SPOCK3: variants seen among roughly 807,000 people sequenced by gnomAD.
SPOCK3 encodes the protein testican-3.
SPOCK3 carries 30 observed loss-of-function variants against 56.6 expected under a neutral mutation model. The ratio of observed to expected loss-of-function variants is 0.53; its 90% CI spans 0.40 to 0.72. SPOCK3 has a LOEUF of 0.72. Among genes scored for constraint, SPOCK3 ranks in the 30% least tolerant of loss-of-function variants. SPOCK3 has a pLI of 0.00. For synonymous variants in SPOCK3, 196 were observed against 183.3 expected (o/e 1.07, Z -0.56); for missense variants, 527 against 530.0 (o/e 0.99, Z 0.06).
intron 5 of SPOCK3, among the ~76,000 whole-genome samples, chr4:166,895,637 C>T (rs1330504363): frequency 1.3e-5 from 2 of 152,222 alleles, no homozygotes; most frequent in East Asian, 3.9e-4. Flanking sequence ...ACATTAACTG[C>T]TTTAAAATAT....
chr4:166,892,063 G>T (rs1319820176), intron 5 of SPOCK3, among the ~76,000 whole-genome samples: 1 of 151,798 alleles, frequency 6.6e-6, no homozygotes, highest in East Asian at 1.9e-4. Flanking sequence ...TTAATAACAG[G>T]AATCATATTT....
intron 4 of SPOCK3, among the ~76,000 whole-genome samples, chr4:166,995,297 CTATGAAGTTTAGT>C (rs1748240139): frequency 6.6e-6 from 1 of 151,702 alleles, no homozygotes; most frequent in South Asian, 2.1e-4. Context: ...ATAAAGGAAA[CTATGAAGTTTAGT>C]TATGATCTAT....
At chr4:166,961,498 T>C (rs1373586512) in intron 4 of SPOCK3, among the ~76,000 whole-genome samples, 3 of 151,938 alleles carry the variant, frequency 2.0e-5, no homozygotes, top group African/African-American at 7.3e-5. Flanking sequence ...ATATATAAAT[T>C]TTATAGTCAT....
At chr4:166,890,109 TTA>T (rs1734618152) in intron 5 of SPOCK3, among the ~76,000 whole-genome samples, 1 of 151,906 alleles carries the variant, frequency 6.6e-6, no homozygotes, top group Admixed American at 6.6e-5. Flanking sequence ...GCCCCAGAGT[TTA>T]TTTCACTTGT....
chr4:167,234,529 T>C, upstream of SPOCK3: 1 of 276,640 alleles, frequency 3.6e-6, no homozygotes, highest in South Asian at 8.9e-5. Context: ...TTTCTGGAGC[T>C]GCTGCACGCG....
chr4:166,995,012 G>A (rs534568206), intron 4 of SPOCK3, among the ~76,000 whole-genome samples: 5 of 152,078 alleles, frequency 3.3e-5, no homozygotes, highest in Non-Finnish European at 5.9e-5. Flanking sequence ...TTAGAAGAAT[G>A]TCTCATTTAT....
At chr4:166,944,292 A>G (rs1035482302) in intron 4 of SPOCK3, among the ~76,000 whole-genome samples, 2 of 152,132 alleles carry the variant, frequency 1.3e-5, no homozygotes, top group African/African-American at 4.8e-5. Context: ...ATATTCTATC[A>G]TTCCCCCAAT....
intron 4 of SPOCK3, among the ~76,000 whole-genome samples, chr4:166,948,760 C>T: frequency 6.6e-6 from 1 of 152,130 alleles, no homozygotes; most frequent in South Asian, 2.1e-4. Flanking sequence ...ACCTTTCTCT[C>T]TGGCTGCCCT....
Position 166,916,889 on chromosome 4 carries a change from TA to T in SPOCK3, c.351-4147del, listed in dbSNP as rs1388522093. 5.9e-5 allele frequency among the ~76,000 whole-genome samples: 9 copies of T among 152,308 alleles called. No homozygotes were observed. The East Asian group carries it at 1.5e-3, about 26-fold the overall frequency. Reference sequence around the variant, plus strand: ...AAAAGTTAGAAGCATAAATAGTGCATATTGGCCACATGTTATGATTTTAGGA... The same window carrying T: ...AAAAGTTAGAAGCATAAATAGTGCATTTGGCCACATGTTATGATTTTAGGA... On this transcript the variant is annotated intron_variant, in intron 4 of 10. Coordinates refer to ENST00000357545, the MANE Select transcript of SPOCK3 (RefSeq NM_001040159.2).
At chr4:167,205,325 TAATATATA>T (rs1734022184) in intron 2 of SPOCK3, among the ~76,000 whole-genome samples, 1 of 39,264 alleles carries the variant, frequency 2.5e-5, no homozygotes, top group Non-Finnish European at 4.7e-5. Flanking sequence ...TTTATATATA[TAATATATA>T]TTATATATTA....
At chr4:166,736,818 C>T (rs1734261657) in intron 10 of SPOCK3, among the ~76,000 whole-genome samples, 1 of 151,822 alleles carries the variant, frequency 6.6e-6, no homozygotes. Flanking sequence ...TTATGAAGTA[C>T]AAATGGTACC....
chr4:167,054,302 A>C (rs755950122), intron 3 of SPOCK3, among the ~76,000 whole-genome samples: 35 of 152,344 alleles, frequency 2.3e-4, no homozygotes, highest in South Asian at 2.1e-4. Flanking sequence ...GTGAATGGAA[A>C]GATGTGAATA....
chr4:167,021,608 C>T (rs991566316), intron 3 of SPOCK3, among the ~76,000 whole-genome samples: 3 of 151,924 alleles, frequency 2.0e-5, no homozygotes, highest in South Asian at 2.1e-4. Context: ...CGGTCGATTT[C>T]CCCAGATCAG....
intron 2 of SPOCK3, among the ~76,000 whole-genome samples, chr4:167,140,662 C>T (rs956403458): frequency 2.5e-4 from 38 of 151,972 alleles, no homozygotes; most frequent in African/African-American, 8.7e-4. Flanking sequence ...AAGAAATTAT[C>T]TGGGAGATTT....
intron 6 of SPOCK3, among the ~76,000 whole-genome samples, chr4:166,842,756 C>T (rs569573242): frequency 1.3e-5 from 2 of 152,346 alleles, no homozygotes; most frequent in South Asian, 4.1e-4. Flanking sequence ...CCACCTGACT[C>T]AGGAGCCCAG....
chr4:166,888,925 A>C (rs192101361), intron 6 of SPOCK3, among the ~76,000 whole-genome samples: 8 of 152,190 alleles, frequency 5.3e-5, no homozygotes, highest in Admixed American at 5.2e-4. Context: ...AGTTATTACT[A>C]TCAAAATAAA....
intron 4 of SPOCK3, among the ~76,000 whole-genome samples, chr4:166,937,972 G>T (rs978807400): frequency 1.3e-5 from 2 of 148,820 alleles, no homozygotes; most frequent in African/African-American, 5.0e-5. Context: ...TAGAGACAGG[G>T]TTTCACCGTG....
intron 7 of SPOCK3, among the ~76,000 whole-genome samples, chr4:166,779,655 A>G (rs1396212891): frequency 6.6e-6 from 1 of 152,162 alleles, no homozygotes; most frequent in Non-Finnish European, 1.5e-5. Context: ...GCTATGACAT[A>G]TACATTTGAA....
At chr4:167,155,630 G>T (rs1421914643) in intron 2 of SPOCK3, among the ~76,000 whole-genome samples, 1 of 152,100 alleles carries the variant, frequency 6.6e-6, no homozygotes. Context: ...AACTTTCACA[G>T]AATAAATTTG....
Sources: gnomAD v4.1 joint callset for allele counts (sites outside exome capture counted in the v4.1 genomes callset) on GRCh38, gnomAD v4.1.1 for gene constraint, MANE v1.5 for transcripts, NCBI Gene and HGNC (gene_info 2026-07-23, HGNC 2026-07-21) for gene names.